Variants in DLGAP2 observed in about 807,000 individuals in gnomAD.
DLGAP2 encodes the protein disks large-associated protein 2.
In DLGAP2, 26 loss-of-function variants were observed where a neutral mutation model predicts 100.3. The ratio of observed to expected loss-of-function variants is 0.26; its 90% CI spans 0.19 to 0.36. The LOEUF (loss-of-function observed/expected upper bound fraction) is 0.36, where lower values mean the gene tolerates loss of function less well. Among genes scored for constraint, DLGAP2 ranks in the 10% least tolerant of loss-of-function variants. DLGAP2 has a pLI of 1.00. For missense variants in DLGAP2, 1,858 were observed against 1,453.2 expected (o/e 1.28, Z -4.53); for synonymous variants, 886 against 630.1 (o/e 1.41, Z -6.08).
At chr8:777,711 G>A (rs567538143) in intron 1 of DLGAP2, among the ~76,000 whole-genome samples, 2 of 152,200 alleles carry the variant, frequency 1.3e-5, no homozygotes, top group Admixed American at 6.5e-5. Context: ...GGTTTCTGCC[G>A]AGAGATCCGC....
intron 5 of DLGAP2, among the ~76,000 whole-genome samples, chr8:1,557,387 C>T (rs531522855): frequency 6.6e-6 from 1 of 152,094 alleles, no homozygotes; most frequent in Non-Finnish European, 1.5e-5. Flanking sequence ...ATGGACGTGC[C>T]GATGGCCACG....
intron 2 of DLGAP2, among the ~76,000 whole-genome samples, chr8:963,641 T>C (rs1799779307): frequency 6.6e-6 from 1 of 152,194 alleles, no homozygotes; most frequent in African/African-American, 2.4e-5. Context: ...CAGTAAAAAC[T>C]GTGGTTGGTG....
At chr8:967,093 C>G (rs1799889667) in intron 2 of DLGAP2, among the ~76,000 whole-genome samples, 2 of 152,352 alleles carry the variant, frequency 1.3e-5, no homozygotes, top group South Asian at 4.1e-4. Context: ...ATTTACCTTT[C>G]TTGATTATAC....
intron 14 of DLGAP2, among the ~76,000 whole-genome samples, chr8:1,698,340 G>A (rs1034779161): frequency 3.9e-5 from 6 of 151,990 alleles, no homozygotes; most frequent in African/African-American, 1.5e-4. Context: ...AGCCATGTGT[G>A]GGACTAGGCA....
intron 2 of DLGAP2, among the ~76,000 whole-genome samples, chr8:1,241,524 A>T (rs982080048): frequency 1.3e-5 from 2 of 152,240 alleles, no homozygotes; most frequent in Non-Finnish European, 2.9e-5. Flanking sequence ...TAGTAGCCCT[A>T]CAGAGGAAGC....
intron 3 of DLGAP2, among the ~76,000 whole-genome samples, chr8:1,448,384 T>C (rs1322096877): frequency 2.0e-5 from 3 of 152,256 alleles, no homozygotes; most frequent in Non-Finnish European, 4.4e-5. Flanking sequence ...AGTTTCCATG[T>C]AGTTGAGTGG....
chr8:1,151,030 T>G (rs1012234897), intron 2 of DLGAP2, among the ~76,000 whole-genome samples: 1 of 152,230 alleles, frequency 6.6e-6, no homozygotes, highest in Admixed American at 6.5e-5. Flanking sequence ...ATGCTTTGTT[T>G]TTGATTTGGT....
chr8:1,672,866 G>T (rs555801444), intron 10 of DLGAP2, among the ~76,000 whole-genome samples: 21 of 152,338 alleles, frequency 1.4e-4, no homozygotes, highest in African/African-American at 5.1e-4. Context: ...GTGAGGTGTT[G>T]AAGGAAGAGC....
At chr8:1,688,465 G>C (rs1269306009) in intron 12 of DLGAP2, 1 of 152,172 alleles carries the variant, frequency 6.6e-6, no homozygotes, top group Non-Finnish European at 1.5e-5. Context: ...TGGAGAATTA[G>C]GTGATATTCA....
In DLGAP2 at chr8:1,317,253, G is replaced by A. The variant is rs56017802; in HGVS notation, c.106+58370G>A. On this transcript the variant is annotated intron_variant, in intron 3 of 14. Coordinates refer to ENST00000637795, the MANE Select transcript of DLGAP2 (RefSeq NM_001346810.2). ...CAGCGTTTAAAAATAGAGCGTGTGC[G>A]AGTGCAGCGTCTCTCCAACAGTGGT... Among the ~76,000 whole-genome samples the A allele has an allele frequency of 8.3e-3, 1,154 of 138,804 alleles. 4 individuals carry two copies. The highest frequency in any genetic ancestry group is 0.017 in the Middle Eastern group (4 of 230). 91.1% of individuals were successfully genotyped at this position (138,804 alleles called of 152,430 possible). A position where few individuals can be genotyped will look rare whatever the true frequency, so the allele number is the denominator to read the frequency against.
intron 2 of DLGAP2, among the ~76,000 whole-genome samples, chr8:1,063,210 A>G (rs923168343): frequency 1.3e-5 from 2 of 152,232 alleles, no homozygotes; most frequent in Non-Finnish European, 2.9e-5. Flanking sequence ...CATTAAGACC[A>G]ACAACCTCTT....
chr8:866,206 T>C (rs1778684524), intron 1 of DLGAP2, among the ~76,000 whole-genome samples: 1 of 152,174 alleles, frequency 6.6e-6, no homozygotes, highest in Non-Finnish European at 1.5e-5. Context: ...ACCCCGCGCC[T>C]GGCCAGGCTT....
At chr8:1,293,115 T>G (rs1800097378) in intron 3 of DLGAP2, among the ~76,000 whole-genome samples, 1 of 152,190 alleles carries the variant, frequency 6.6e-6, no homozygotes, top group Non-Finnish European at 1.5e-5. Flanking sequence ...AGGGTCTGCA[T>G]TTTCAATCCT....
chr8:1,359,694 C>T (rs529909936), intron 3 of DLGAP2, among the ~76,000 whole-genome samples: 1 of 152,248 alleles, frequency 6.6e-6, no homozygotes. Flanking sequence ...ACGGTAGACG[C>T]TGGCCTCAGC....
intron 3 of DLGAP2, among the ~76,000 whole-genome samples, chr8:1,315,768 A>C (rs71516168): frequency 0.028 from 834 of 29,554 alleles, 246 homozygotes; most frequent in Non-Finnish European, 0.035. Flanking sequence ...AGCAGCTTTT[A>C]AAAATAGAGC....
rs922202847 is a variant in DLGAP2, at chr8:1,546,447, C to T, written c.173-2179C>T. 3.3e-5 allele frequency among the ~76,000 whole-genome samples: 5 copies of T among 152,346 alleles called. No individual in the cohort carries two copies. In the East Asian group the frequency reaches 5.8e-4, roughly 18 times the overall value. On this transcript the variant is annotated intron_variant, in intron 4 of 14. Transcript: ENST00000637795. The stretch of plus-strand genomic sequence containing the variant: ...CTGACTTCCCAGGGACTCATGAAAT[C>T]GTATCCCTTCCTTATCCCATGTTTC...
At chr8:1,162,303 A>G (rs1796908198) in intron 2 of DLGAP2, among the ~76,000 whole-genome samples, 1 of 152,054 alleles carries the variant, frequency 6.6e-6, no homozygotes, top group Non-Finnish European at 1.5e-5. Context: ...GGTGAGTCTG[A>G]CTCCATTACA....
chr8:1,024,618 C>G (rs1375424003), intron 2 of DLGAP2, among the ~76,000 whole-genome samples: 1 of 152,212 alleles, frequency 6.6e-6, no homozygotes, highest in African/African-American at 2.4e-5. Context: ...CTCCCTCATG[C>G]TCTGTTGTAT....
At chr8:1,606,373 T>C (rs2956957) in intron 6 of DLGAP2, among the ~76,000 whole-genome samples, 117,081 of 152,008 alleles carry the variant, frequency 0.77, 45,257 homozygotes, top group East Asian at 0.92. Flanking sequence ...ACATAAACTT[T>C]ACACCAAAAA....
Sources: gnomAD v4.1 joint callset for allele counts (sites outside exome capture counted in the v4.1 genomes callset) on GRCh38, gnomAD v4.1.1 for gene constraint, MANE v1.5 for transcripts, NCBI Gene and HGNC (gene_info 2026-07-23, HGNC 2026-07-21) for gene names.